Variants in SLC35F2 observed in about 807,000 individuals in gnomAD.
SLC35F2 encodes queuine/queuosine transporter SLC35F2.
Under a neutral mutation model 38.1 loss-of-function variants are expected in SLC35F2, and 25 were observed. The observed-to-expected ratio is 0.66, with a 90% confidence interval of 0.48 to 0.92. SLC35F2 has a LOEUF of 0.92. Among genes scored for constraint, SLC35F2 ranks in the 40% least tolerant of loss-of-function variants. The pLI, the probability that SLC35F2 is intolerant of heterozygous loss-of-function variation, is 0.00. For missense variants in SLC35F2, 409 were observed against 452.9 expected (o/e 0.90, Z 0.88); for synonymous variants, 173 against 181.7 (o/e 0.95, Z 0.38).
At chr11:107,849,730 G>A (rs1860148457) in intron 1 of SLC35F2, among the ~76,000 whole-genome samples, 1 of 151,688 alleles carries the variant, frequency 6.6e-6, no homozygotes, top group Admixed American at 6.6e-5. Flanking sequence ...CAGGGAATAA[G>A]CACTGACTTC....
At chr11:107,841,905 A>T (rs986271570) in intron 1 of SLC35F2, among the ~76,000 whole-genome samples, 4 of 151,842 alleles carry the variant, frequency 2.6e-5, no homozygotes, top group Non-Finnish European at 5.9e-5. Context: ...TCTACTAAAA[A>T]TACACAAAAG....
chr11:107,810,384 A>T (rs1859463307), intron 3 of SLC35F2: 1 of 985,148 alleles, frequency 1.0e-6, no homozygotes, highest in Non-Finnish European at 1.2e-6. Flanking sequence ...ACCAATTCAA[A>T]ACTTTTTATC....
intron 3 of SLC35F2, 115 bp from the exon 4 acceptor site, chr11:107,806,991 T>TTATTTC: frequency 1.1e-6 from 1 of 906,232 alleles, no homozygotes; most frequent in East Asian, 2.7e-5. Flanking sequence ...TATTGAGCAT[T>TTATTTC]TATTATTGCC....
intron 1 of SLC35F2, among the ~76,000 whole-genome samples, chr11:107,836,164 A>G (rs565438): frequency 0.53 from 80,820 of 152,028 alleles, 22,589 homozygotes; most frequent in African/African-American, 0.72. Flanking sequence ...TGTGTAAAAG[A>G]TTGTGGGTGA....
Position 107,805,651 on chromosome 11 carries a change from T to C in SLC35F2, c.575-136A>G, listed in dbSNP as rs961953111. On this transcript the variant is annotated intron_variant, in intron 4 of 7. Coordinates refer to ENST00000525815, the MANE Select transcript of SLC35F2 (RefSeq NM_017515.5). ...AGAAACTGGTTACTAGAAGTTTATG[T>C]GTGAGAGTGTGTGTGTGTGTATGTG... 2.1e-5 allele frequency: 31 copies of C among 1,449,666 alleles called. No individual in the cohort carries two copies. In the African/African-American group the frequency reaches 4.0e-4, roughly 19 times the overall value. The allele number at this position is 1,449,666 out of a possible 1,614,324, so 89.8% of individuals were successfully genotyped here. A position where few individuals can be genotyped will look rare whatever the true frequency, so the allele number is the denominator to read the frequency against.
intron 1 of SLC35F2, among the ~76,000 whole-genome samples, chr11:107,843,069 T>C (rs990822341): frequency 1.3e-5 from 2 of 152,226 alleles, no homozygotes; most frequent in African/African-American, 4.8e-5. Context: ...CACCAGATTA[T>C]AGAGCATGAT....
intron 7 of SLC35F2, chr11:107,793,029 G>A (rs1243495295): frequency 7.3e-6 from 4 of 549,748 alleles, no homozygotes; most frequent in Non-Finnish European, 6.9e-6. Context: ...TGATCCTCCC[G>A]CCTCAACCTC....
intron 2 of SLC35F2, 47 bp downstream of exon 2, chr11:107,815,743 T>G (rs1859561648): frequency 6.5e-7 from 1 of 1,545,462 alleles, no homozygotes; most frequent in African/African-American, 1.4e-5. Flanking sequence ...CTAGTAATTT[T>G]TATGAAGATA....
chr11:107,830,382 G>A (rs555441065), intron 1 of SLC35F2, among the ~76,000 whole-genome samples: 51 of 151,890 alleles, frequency 3.4e-4, no homozygotes, highest in Non-Finnish European at 4.9e-4. Flanking sequence ...TCAAGAGATC[G>A]AGAACATCCT....
At chr11:107,797,504 A>G (rs1223103599) in intron 7 of SLC35F2, among the ~76,000 whole-genome samples, 1 of 152,128 alleles carries the variant, frequency 6.6e-6, no homozygotes, top group African/African-American at 2.4e-5. Context: ...CCTGGGCAAC[A>G]TAGTGAGACC....
intron 1 of SLC35F2, among the ~76,000 whole-genome samples, chr11:107,818,459 ATCTCT>A (rs1283609734): frequency 6.6e-6 from 1 of 152,218 alleles, no homozygotes; most frequent in Non-Finnish European, 1.5e-5. Context: ...GTTCTCTCTA[ATCTCT>A]TAGCCCTCTT....
intron 1 of SLC35F2, among the ~76,000 whole-genome samples, chr11:107,817,691 T>C (rs577630770): frequency 2.6e-5 from 4 of 152,176 alleles, no homozygotes; most frequent in Non-Finnish European, 5.9e-5. Context: ...ATTTTTACTA[T>C]TTCTTCTATC....
intron 6 of SLC35F2, among the ~76,000 whole-genome samples, chr11:107,804,054 T>C (rs186047741): frequency 1.4e-3 from 205 of 150,954 alleles, no homozygotes; most frequent in African/African-American, 4.8e-3. Context: ...GCCAGGCTGG[T>C]CTCGAACTCC....
At chr11:107,802,109 G>T (rs187828463) in intron 7 of SLC35F2, among the ~76,000 whole-genome samples, 146 of 152,014 alleles carry the variant, frequency 9.6e-4, no homozygotes, top group African/African-American at 3.3e-3. Flanking sequence ...ATGATGGAGG[G>T]TGCCTGTAAT....
At chr11:107,816,015 T>TACAC (rs370565333) in intron 1 of SLC35F2, 50 bp from the exon 2 acceptor site, 45,508 of 1,223,010 alleles carry the variant, frequency 0.037, 430 homozygotes, top group East Asian at 0.094. Flanking sequence ...AGTTATACCT[T>TACAC]ACACACACAC....
At chr11:107,814,168 T>A (rs766054408) in intron 2 of SLC35F2, among the ~76,000 whole-genome samples, 25 of 152,154 alleles carry the variant, frequency 1.6e-4, no homozygotes, top group Non-Finnish European at 3.2e-4. Context: ...AACAAAGGGT[T>A]AAACTAAAGT....
intron 1 of SLC35F2, among the ~76,000 whole-genome samples, chr11:107,842,263 A>AT: frequency 7.1e-6 from 1 of 141,440 alleles, no homozygotes; most frequent in Non-Finnish European, 1.6e-5. Flanking sequence ...CTCACAAAAA[A>AT]AAAAAAAAAA....
At chr11:107,823,077 T>A (rs1859700636) in intron 1 of SLC35F2, 1 of 875,808 alleles carries the variant, frequency 1.1e-6, no homozygotes. Context: ...TAGGCAGTCC[T>A]CTACTGATTA....
chr11:107,844,189 A>T (rs1860065519), intron 1 of SLC35F2, among the ~76,000 whole-genome samples: 1 of 152,118 alleles, frequency 6.6e-6, no homozygotes, highest in African/African-American at 2.4e-5. Flanking sequence ...TGGGGGCCAG[A>T]CTGCCTGAGG....
Sources: allele counts gnomAD v4.1 joint callset (sites outside exome capture counted in the v4.1 genomes callset), GRCh38; gene constraint gnomAD v4.1.1; transcripts MANE v1.5; gene names NCBI Gene and HGNC (gene_info 2026-07-23, HGNC 2026-07-21).